TRPC5: variants seen among roughly 807,000 people sequenced by gnomAD.
The protein encoded by TRPC5 is short transient receptor potential channel 5.
In TRPC5, 9 loss-of-function variants were observed where a neutral mutation model predicts 56.5. The observed-to-expected ratio is 0.16, with a 90% CI of 0.10 to 0.28. The LOEUF (loss-of-function observed/expected upper bound fraction) is 0.28, where lower values mean the gene tolerates loss of function less well. Ranked by LOEUF, TRPC5 falls within the 10% of genes least tolerant of loss-of-function variation. TRPC5 has a pLI of 1.00. For missense variants in TRPC5, 469 were observed against 748.9 expected (o/e 0.63, Z 4.36); for synonymous variants, 282 against 278.5 (o/e 1.01, Z -0.13).
At chrX:112,078,542 C>T (rs887244298) in intron 1 of TRPC5, among the ~76,000 whole-genome samples, 1 of 111,508 alleles carries the variant, frequency 9.0e-6, no homozygotes, top group Non-Finnish European at 1.9e-5. Flanking sequence ...CCAAGATCCC[C>T]GCTTGTTTCT....
chrX:111,994,747 T>C (rs1000527409), intron 1 of TRPC5, among the ~76,000 whole-genome samples: 1 of 111,661 alleles, frequency 9.0e-6, no homozygotes, highest in Non-Finnish European at 1.9e-5. Context: ...TTTTGCACAC[T>C]GATTTTGTAT....
intron 1 of TRPC5, among the ~76,000 whole-genome samples, chrX:112,048,399 C>CAA (rs58537492): frequency 0.012 from 254 of 21,457 alleles, 26 homozygotes; most frequent in African/African-American, 0.037. Context: ...GACTCCGTAT[C>CAA]AAAAAAAAAA....
At chrX:111,844,309 A>G (rs1003537867) in intron 6 of TRPC5, among the ~76,000 whole-genome samples, 6 of 110,879 alleles carry the variant, frequency 5.4e-5, no homozygotes, top group African/African-American at 2.0e-4. Context: ...GCTTCTCTTG[A>G]CAGCAGGTGA....
chrX:112,033,536 A>T, intron 1 of TRPC5, among the ~76,000 whole-genome samples: 1 of 101,399 alleles, frequency 9.9e-6, no homozygotes, highest in Non-Finnish European at 2.0e-5. Flanking sequence ...TTTAATTTTG[A>T]TGAAGTCCAA....
chrX:111,980,779 A>G (rs1266362175), intron 1 of TRPC5, among the ~76,000 whole-genome samples: 1 of 108,865 alleles, frequency 9.2e-6, no homozygotes, highest in Non-Finnish European at 1.9e-5. Context: ...TGTATATTTC[A>G]TTATTATTTC....
At chrX:111,878,068 C>A (rs1212656928) in intron 3 of TRPC5, among the ~76,000 whole-genome samples, 1 of 110,768 alleles carries the variant, frequency 9.0e-6, no homozygotes, top group Non-Finnish European at 1.9e-5. Flanking sequence ...CATCTTTCTG[C>A]CAGCAGTGAG....
intron 7 of TRPC5, among the ~76,000 whole-genome samples, chrX:111,796,777 T>C (rs1220933999): frequency 9.0e-6 from 1 of 111,427 alleles, no homozygotes; most frequent in East Asian, 2.8e-4. Flanking sequence ...TTCTCCAATG[T>C]TTCTGGGCAT....
intron 1 of TRPC5, among the ~76,000 whole-genome samples, chrX:111,991,516 C>T (rs868248457): frequency 1.8e-5 from 2 of 109,806 alleles, no homozygotes; most frequent in East Asian, 5.6e-4. Flanking sequence ...CAATCCTTCA[C>T]CACCATTTTT....
chrX:112,069,702 C>T (rs2147745160), intron 1 of TRPC5, among the ~76,000 whole-genome samples: 1 of 112,298 alleles, frequency 8.9e-6, no homozygotes, highest in Non-Finnish European at 1.9e-5. Context: ...CCTTCCCTGA[C>T]TTCTGCTCTG....
chrX:111,778,655 G>A (rs1256012365), intron 10 of TRPC5, among the ~76,000 whole-genome samples: 2 of 111,734 alleles, frequency 1.8e-5, no homozygotes, highest in East Asian at 5.6e-4. Flanking sequence ...AAGTCTGCAG[G>A]CATCTTCCCT....
intron 7 of TRPC5, among the ~76,000 whole-genome samples, chrX:111,831,175 C>T (rs1013471896): frequency 7.1e-5 from 8 of 112,331 alleles, no homozygotes; most frequent in African/African-American, 1.3e-4. Context: ...GCTGGATTGT[C>T]GGGAGGTCTG....
chrX:111,952,115 A>G lies in TRPC5; in HGVS notation c.306T>C (p.Tyr102=), dbSNP rs746292499. 1.6e-6 allele frequency: 2 copies of G among 1,212,364 alleles called. No homozygotes were observed. Among genetic ancestry groups the G allele is most frequent in the East Asian group, 5.9e-5 (2 of 33,851 alleles). ...HSVYVGDALL[Y]AIRKEVVGAV... is the part of the protein sequence containing the mutation. Reference sequence around the variant, plus strand: ...CGCCCACCACTTCCTTGCGTATGGCATAGAGCAATGCATCACCCACATACA... The same window carrying G: ...CGCCCACCACTTCCTTGCGTATGGCGTAGAGCAATGCATCACCCACATACA... Residue 102 remains tyrosine (Y), a synonymous_variant, in exon 2 of 11, where the codon TAT becomes TAC. Transcript: ENST00000262839.
intron 1 of TRPC5, among the ~76,000 whole-genome samples, chrX:111,960,420 T>G (rs911484333): frequency 8.9e-6 from 1 of 112,507 alleles, no homozygotes; most frequent in Admixed American, 9.4e-5. Flanking sequence ...TTATTTTCAC[T>G]GAGGTGAAGA....
At chrX:111,863,846 T>G (rs1923470732) in intron 3 of TRPC5, among the ~76,000 whole-genome samples, 1 of 112,005 alleles carries the variant, frequency 8.9e-6, no homozygotes, top group Non-Finnish European at 1.9e-5. Context: ...GAAAAATGCT[T>G]CTTCTGTGTC....
chrX:111,892,512 G>A (rs1924854914), intron 3 of TRPC5, among the ~76,000 whole-genome samples: 1 of 111,964 alleles, frequency 8.9e-6, no homozygotes, highest in South Asian at 3.8e-4. Context: ...GTTAGCTTTC[G>A]CCAGGCCAGG....
At chrX:111,830,960 A>G (rs1325806141) in intron 7 of TRPC5, among the ~76,000 whole-genome samples, 1 of 112,467 alleles carries the variant, frequency 8.9e-6, no homozygotes, top group Non-Finnish European at 1.9e-5. Flanking sequence ...GCCACATAAT[A>G]CAACACAATC....
rs762705375 is a variant in TRPC5, at chrX:111,791,566, C to T, written c.1897-9428G>A. On this transcript the variant is annotated intron_variant, in intron 7 of 10. Transcript: ENST00000262839. ...CTGTGTATGGGTTTGCCTTTCCTGC[C>T]TGCAGAGTCTCATCCAACATGACCA... Among the ~76,000 whole-genome samples the T allele has an allele frequency of 2.6e-3, 290 of 112,309 alleles. 1 individual carries two copies. Among genetic ancestry groups the T allele is most frequent in the Non-Finnish European group, 4.2e-3 (225 of 53,262 alleles).
At chrX:112,049,532 AATATAT>A (rs750428556) in intron 1 of TRPC5, among the ~76,000 whole-genome samples, 1 of 106,722 alleles carries the variant, frequency 9.4e-6, no homozygotes, top group Admixed American at 1.0e-4. Context: ...TTATATATTT[AATATAT>A]ATATATATTT....
rs371235203 is a variant in TRPC5, at chrX:111,847,251, G to A, written c.1563C>T (p.Leu521=). ...CTAGTAGTACCAGGCAGTAGATAAA[G>A]AGGAATTTGAGGATATCAAGCAGCA... ...GRMLLDILKF[L]FIYCLVLLAF... Residue 521 remains leucine, a synonymous_variant, in exon 6 of 11, where the codon CTC becomes CTT. Coordinates refer to ENST00000262839, the MANE Select transcript of TRPC5 (RefSeq NM_012471.3). The A allele has an allele frequency of 7.4e-6, 9 of 1,209,147 alleles. No homozygotes were observed. The African/African-American group carries it at 1.2e-4, about 17-fold the overall frequency.
Sources: gnomAD v4.1 joint callset for allele counts (sites outside exome capture counted in the v4.1 genomes callset) on GRCh38, gnomAD v4.1.1 for gene constraint, MANE v1.5 for transcripts, NCBI Gene and HGNC (gene_info 2026-07-23, HGNC 2026-07-21) for gene names.